OPA1: variants seen among roughly 807,000 people sequenced by gnomAD.
OPA1 encodes the protein dynamin-like GTPase OPA1, mitochondrial.
In OPA1, 59 loss-of-function variants were observed where a neutral mutation model predicts 152.9. That is an observed-to-expected ratio of 0.39 (90% CI 0.31 to 0.48). OPA1 has a LOEUF of 0.48. OPA1 is among the 20% of genes least tolerant of loss of function. OPA1 has a pLI of 0.96. For missense variants in OPA1, 1,008 were observed against 1,216.8 expected, an observed-to-expected ratio of 0.83 and a Z score of 2.55; for synonymous variants, 400 against 389.9, an observed-to-expected ratio of 1.03 and a Z score of -0.31.
chr3:193,654,225 G>A (rs1713233559), intron 21 of OPA1, among the ~76,000 whole-genome samples: 1 of 152,176 alleles, frequency 6.6e-6, no homozygotes, highest in South Asian at 2.1e-4. Flanking sequence ...GCTAGATGCG[G>A]TGTCTCACAC....
At chr3:193,618,496 A>AG (rs1729434534) in intron 5 of OPA1, 1 of 209,472 alleles carries the variant, frequency 4.8e-6, no homozygotes, top group Admixed American at 5.5e-5. Flanking sequence ...AAAAAAAAAA[A>AG]GAAAAGAAAA....
chr3:193,691,887 GAGACC>G (rs1721732487), intron 29 of OPA1, 171 bp from the exon 30 acceptor site: 2 of 542,664 alleles, frequency 3.7e-6, no homozygotes, highest in African/African-American at 1.9e-5. Context: ...AAAAATGTCT[GAGACC>G]TACTACTATA....
chr3:193,600,843 A>G (rs193264166), intron 1 of OPA1, among the ~76,000 whole-genome samples: 169 of 152,260 alleles, frequency 1.1e-3, no homozygotes, highest in African/African-American at 3.8e-3. Context: ...TCCTATAAAC[A>G]TATCGTGGGT....
intron 11 of OPA1, among the ~76,000 whole-genome samples, chr3:193,639,511 T>C (rs1289093948): frequency 6.6e-6 from 1 of 152,158 alleles, no homozygotes; most frequent in African/African-American, 2.4e-5. Flanking sequence ...GAGGTGGTTG[T>C]GTGGCTGTCA....
At chr3:193,658,261 AAAAG>A (rs1227412365) in intron 23 of OPA1, among the ~76,000 whole-genome samples, 14 of 94,670 alleles carry the variant, frequency 1.5e-4, no homozygotes, top group East Asian at 6.2e-4. Context: ...AAAAAAAAAA[AAAAG>A]AAAGAAAACC....
At chr3:193,674,220 A>C (rs1466014519) in intron 29 of OPA1, among the ~76,000 whole-genome samples, 1 of 152,130 alleles carries the variant, frequency 6.6e-6, no homozygotes, top group Non-Finnish European at 1.5e-5. Flanking sequence ...CTTATCCTTC[A>C]TCCTGTGCTT....
At chr3:193,631,716 A>G (rs1028886677) in intron 8 of OPA1, 51 bp downstream of exon 8, 2 of 1,482,132 alleles carry the variant, frequency 1.3e-6, no homozygotes, top group African/African-American at 1.4e-5. Context: ...TTATATTCGA[A>G]TGTAACTTTG....
At chr3:193,614,688 C>T in intron 1 of OPA1, 35 bp from the exon 2 acceptor site, 1 of 1,497,182 alleles carries the variant, frequency 6.7e-7, no homozygotes. Flanking sequence ...CTGTTACCCT[C>T]TCTGATCTTT....
chr3:193,634,546 T>C (rs1732637801), intron 8 of OPA1, among the ~76,000 whole-genome samples: 1 of 151,918 alleles, frequency 6.6e-6, no homozygotes, highest in South Asian at 2.1e-4. Context: ...GCCTCCCTAG[T>C]AGCTGGGACT....
intron 1 of OPA1, among the ~76,000 whole-genome samples, chr3:193,613,027 T>A (rs1400492986): frequency 6.6e-6 from 1 of 152,194 alleles, no homozygotes; most frequent in Non-Finnish European, 1.5e-5. Context: ...TTGCCAGAGT[T>A]TTTCTTCAAA....
At chr3:193,669,135 G>A (rs1021976465) in intron 29 of OPA1, among the ~76,000 whole-genome samples, 2 of 152,204 alleles carry the variant, frequency 1.3e-5, no homozygotes, top group African/African-American at 4.8e-5. Context: ...TAGGATTACA[G>A]TACAATCCAT....
At chr3:193,618,450 C>A (rs1729420264) in intron 5 of OPA1, among the ~76,000 whole-genome samples, 1 of 151,584 alleles carries the variant, frequency 6.6e-6, no homozygotes, top group Non-Finnish European at 1.5e-5. Flanking sequence ...TGCACTCCAG[C>A]CTGGGCGACA....
At chr3:193,686,397 T>G (rs1720941629) in intron 29 of OPA1, among the ~76,000 whole-genome samples, 1 of 152,172 alleles carries the variant, frequency 6.6e-6, no homozygotes, top group African/African-American at 2.4e-5. Flanking sequence ...CTGTCTTCAT[T>G]GAGTGTTAAA....
intron 29 of OPA1, 111 bp from the exon 30 acceptor site, chr3:193,691,952 T>TTTTC: frequency 1.5e-6 from 1 of 667,350 alleles, no homozygotes; most frequent in Non-Finnish European, 2.7e-6. Flanking sequence ...AGACTCATAT[T>TTTTC]TTTCTTTTTC....
chr3:193,667,670 CAAAAAAAA>C (rs35232250), intron 29 of OPA1, among the ~76,000 whole-genome samples: 10 of 93,352 alleles, frequency 1.1e-4, no homozygotes, highest in African/African-American at 3.1e-4. Flanking sequence ...GATTCTGTCT[CAAAAAAAA>C]AAAAAAAAAA....
intron 11 of OPA1, 54 bp from the exon 12 acceptor site, chr3:193,642,711 A>G: frequency 1.5e-6 from 2 of 1,301,988 alleles, no homozygotes; most frequent in Non-Finnish European, 2.2e-6. Context: ...GGGCTGTGGG[A>G]ATTAATATTA....
At chr3:193,627,846 A>G (rs1353429637) in intron 7 of OPA1, among the ~76,000 whole-genome samples, 2 of 152,080 alleles carry the variant, frequency 1.3e-5, no homozygotes. Context: ...ACCCTTTTAT[A>G]TCTCCCTTTC....
chr3:193,653,556 A>AT (rs908647787), intron 21 of OPA1, among the ~76,000 whole-genome samples: 7 of 152,154 alleles, frequency 4.6e-5, no homozygotes, highest in African/African-American at 1.4e-4. Context: ...AAATAGTTGT[A>AT]TTTTTTTATT....
chr3:193,637,127 G>A (rs1733061690), intron 9 of OPA1, 68 bp from the exon 10 acceptor site: 2 of 798,072 alleles, frequency 2.5e-6, no homozygotes, highest in African/African-American at 1.8e-5. Flanking sequence ...TTTTTCTCTT[G>A]ACACATCTGT....
Sources: gnomAD v4.1 joint callset for allele counts (sites outside exome capture counted in the v4.1 genomes callset) on GRCh38, gnomAD v4.1.1 for gene constraint, MANE v1.5 for transcripts, NCBI Gene and HGNC (gene_info 2026-07-23, HGNC 2026-07-21) for gene names.